SAFB: variants seen among roughly 807,000 people sequenced by gnomAD.
SAFB encodes the protein scaffold attachment factor B1.
Under a neutral mutation model 101.6 loss-of-function variants are expected in SAFB, and 15 were observed. That is an observed-to-expected ratio of 0.15 (90% CI 0.10 to 0.23). SAFB has a LOEUF of 0.23. Ranked by LOEUF, SAFB falls within the 10% of genes least tolerant of loss-of-function variation. The pLI is 1.00. For synonymous variants in SAFB, 449 were observed against 407.5 expected, an observed-to-expected ratio of 1.10 and a Z score of -1.23; for missense variants, 930 against 1,104.1, an observed-to-expected ratio of 0.84 and a Z score of 2.23.
intron 2 of SAFB, among the ~76,000 whole-genome samples, chr19:5,630,315 G>T (rs1447051982): frequency 6.6e-6 from 1 of 152,076 alleles, no homozygotes; most frequent in African/African-American, 2.4e-5. Flanking sequence ...TCTGTGCTGG[G>T]TTGTTTGTCT....
Position 5,643,253 on chromosome 19 carries a change from G to T in SAFB, c.546+1307G>T, listed in dbSNP as rs1239954512. Among the ~76,000 whole-genome samples, 3 of 151,742 alleles carry T rather than the reference G, an allele frequency of 2.0e-5. No individual in the cohort carries two copies. In the South Asian group the frequency reaches 6.3e-4, roughly 32 times the overall value. Reference sequence around the variant, plus strand: ...TGTGGGGCCCTTTCTGTGTTGGCTCGTGGGGGGCCCTGTTCTTGTCCTGGT... The same window carrying T: ...TGTGGGGCCCTTTCTGTGTTGGCTCTTGGGGGGCCCTGTTCTTGTCCTGGT... On this transcript the variant is annotated intron_variant, in intron 4 of 20. Coordinates refer to ENST00000588852, the MANE Select transcript of SAFB (RefSeq NM_001201338.2).
At chr19:5,653,442 A>G in intron 11 of SAFB, 22 bp downstream of exon 11, 5 of 1,603,422 alleles carry the variant, frequency 3.1e-6, no homozygotes, top group Non-Finnish European at 4.3e-6. Context: ...TCCTGGCTAA[A>G]TTAAAGGGGC....
chr19:5,661,475 T>TG, intron 14 of SAFB, 43 bp from the exon 15 acceptor site: 1 of 1,604,058 alleles, frequency 6.2e-7, no homozygotes. Flanking sequence ...GGGACCTGGC[T>TG]GGGGGTGTCT....
At chr19:5,655,058 T>C (rs1002531298) in intron 13 of SAFB, among the ~76,000 whole-genome samples, 2 of 152,206 alleles carry the variant, frequency 1.3e-5, no homozygotes, top group African/African-American at 4.8e-5. Context: ...GATGCATTCC[T>C]ACACCCAGCA....
At chr19:5,634,866 G>C (rs906412798) in intron 2 of SAFB, among the ~76,000 whole-genome samples, 2 of 152,014 alleles carry the variant, frequency 1.3e-5, no homozygotes, top group African/African-American at 4.8e-5. Flanking sequence ...CGCAAGGTGC[G>C]GTGACTCAAA....
At chr19:5,660,266 C>A (rs988924028) in intron 14 of SAFB, among the ~76,000 whole-genome samples, 4 of 145,538 alleles carry the variant, frequency 2.7e-5, no homozygotes, top group Non-Finnish European at 4.5e-5. Context: ...ACTTCTAATA[C>A]AATGAAAATG....
intron 14 of SAFB, among the ~76,000 whole-genome samples, chr19:5,660,221 A>G (rs1046365224): frequency 1.3e-5 from 2 of 151,954 alleles, no homozygotes; most frequent in African/African-American, 4.8e-5. Context: ...TAACCCATGT[A>G]CATCCTCCTG....
chr19:5,645,572 G>A (rs987754592), intron 5 of SAFB, among the ~76,000 whole-genome samples, 173 bp downstream of exon 5: 1 of 152,192 alleles, frequency 6.6e-6, no homozygotes, highest in African/African-American at 2.4e-5. Context: ...TATAATGTAC[G>A]CATTGCCAGG....
At chr19:5,656,607 C>T (rs979654069) in intron 13 of SAFB, among the ~76,000 whole-genome samples, 7 of 136,072 alleles carry the variant, frequency 5.1e-5, no homozygotes, top group East Asian at 2.1e-4. Flanking sequence ...GTCAGAGTAT[C>T]GCTCTGTCGC....
At chr19:5,639,980 G>C (rs987279820) in intron 2 of SAFB, among the ~76,000 whole-genome samples, 1 of 151,158 alleles carries the variant, frequency 6.6e-6, no homozygotes, top group African/African-American at 2.4e-5. Context: ...TGGGATTACA[G>C]TCATGCCCCA....
chr19:5,664,142 C>T lies in SAFB; in HGVS notation c.2274C>T (p.Pro758=), dbSNP rs547738497. Residue 758 remains proline, a synonymous_variant, in exon 16 of 21, where the codon CCC becomes CCT. Coordinates refer to ENST00000588852, the MANE Select transcript of SAFB (RefSeq NM_001201338.2). ...ACCACAGGGACCGCGGCCGCTACCCCGACCACTCGGTGGACAGGTCAGTTG... is the reference window on the plus strand; with the variant it reads ...ACCACAGGGACCGCGGCCGCTACCCTGACCACTCGGTGGACAGGTCAGTTG... ...DFDHRDRGRY[P]DHSVDRREGS... 2.2e-4 allele frequency: 356 copies of T among 1,613,884 alleles called. No homozygotes were observed. Among genetic ancestry groups the T allele is most frequent in the African/African-American group, 3.7e-4 (28 of 75,060 alleles).
At chr19:5,661,330 C>A (rs1233104253) in intron 14 of SAFB, among the ~76,000 whole-genome samples, 188 bp from the exon 15 acceptor site, 1 of 151,222 alleles carries the variant, frequency 6.6e-6, no homozygotes, top group African/African-American at 2.5e-5. Flanking sequence ...GGGCCTCACT[C>A]CTGAGATCTT....
At chr19:5,653,082 T>C (rs779142633) in intron 9 of SAFB, 33 bp from the exon 10 acceptor site, 5 of 1,612,038 alleles carry the variant, frequency 3.1e-6, no homozygotes, top group Admixed American at 1.7e-5. Flanking sequence ...GTGGGCTTCA[T>C]GTCTGAGTCA....
rs879499226 is a variant in SAFB, at chr19:5,661,418, C to A, written c.1863-100C>A. 6 of 1,537,960 alleles carry A rather than the reference C, an allele frequency of 3.9e-6. No homozygotes were observed. The East Asian group carries it at 6.8e-5, about 17-fold the overall frequency. ...TTCTGCAGACCACGTAGTGGACGCACAGCCCTGGAGTCTGTGCGACCCAGC... is the reference window on the plus strand; with the variant it reads ...TTCTGCAGACCACGTAGTGGACGCAAAGCCCTGGAGTCTGTGCGACCCAGC... On this transcript the variant is annotated intron_variant, in intron 14 of 20. Coordinates refer to ENST00000588852, the MANE Select transcript of SAFB (RefSeq NM_001201338.2).
chr19:5,640,022 T>C (rs2053672707), intron 2 of SAFB, among the ~76,000 whole-genome samples: 1 of 151,940 alleles, frequency 6.6e-6, no homozygotes. Context: ...TTTTGTTTTT[T>C]TGGTTTTTTT....
chr19:5,629,971 G>A (rs2053453611), intron 2 of SAFB, among the ~76,000 whole-genome samples: 1 of 152,220 alleles, frequency 6.6e-6, no homozygotes, highest in African/African-American at 2.4e-5. Context: ...GAACCTGGGA[G>A]ACTGAGGTTG....
At chr19:5,648,438 G>A (rs2053869783) in intron 6 of SAFB, 1 of 289,768 alleles carries the variant, frequency 3.5e-6, no homozygotes, top group African/African-American at 2.2e-5. Context: ...CTCAGGTAGT[G>A]GTAGGGAGAT....
chr19:5,644,328 TAC>T (rs1287375963), intron 4 of SAFB, among the ~76,000 whole-genome samples: 2 of 152,250 alleles, frequency 1.3e-5, no homozygotes, highest in Non-Finnish European at 1.5e-5. Flanking sequence ...CCACCACGAA[TAC>T]AGTTTTTACT....
At chr19:5,632,365 C>A (rs966085582) in intron 2 of SAFB, among the ~76,000 whole-genome samples, 3 of 152,172 alleles carry the variant, frequency 2.0e-5, no homozygotes, top group Non-Finnish European at 4.4e-5. Context: ...TATGTTTTTA[C>A]TAGACCGCAT....
Sources: gnomAD v4.1 joint callset for allele counts (sites outside exome capture counted in the v4.1 genomes callset) on GRCh38, gnomAD v4.1.1 for gene constraint, MANE v1.5 for transcripts, NCBI Gene and HGNC (gene_info 2026-07-23, HGNC 2026-07-21) for gene names.